The following ZIM2 variants were observed in gnomAD, a reference collection of about 807,000 sequenced individuals.
The protein encoded by ZIM2 is zinc finger protein 656.
ZIM2 carries 14 observed loss-of-function variants against 38.6 expected under a neutral mutation model. The ratio of observed to expected loss-of-function variants is 0.36; its 90% CI spans 0.24 to 0.57. The LOEUF is 0.57. Ranked by LOEUF, ZIM2 falls within the 20% of genes least tolerant of loss-of-function variation. The probability of loss-of-function intolerance (pLI) is 0.81; values close to 1 mark genes in which losing one functional copy is unlikely to be tolerated. For missense variants in ZIM2, 680 were observed against 695.1 expected, an observed-to-expected ratio of 0.98 and a Z score of 0.24; for synonymous variants, 247 against 245.8, an observed-to-expected ratio of 1.00 and a Z score of -0.04.
At position 56,801,188 on chromosome 19, in the gene ZIM2, G is replaced by A. The variant is rs1203211661; in HGVS notation, c.491-11237C>T. Among the ~76,000 whole-genome samples, 10 of 151,982 alleles carry A rather than the reference G, an allele frequency of 6.6e-5. No homozygotes were observed. In the South Asian group the frequency reaches 8.3e-4, roughly 13 times the overall value. On this transcript the variant is annotated intron_variant, in intron 9 of 12. Transcript: ENST00000629319. ...CCTGACCTCGTGATCCACCTGCCTC[G>A]CCCTCCCAAAGTGCTGGGATTACAG... is the stretch of plus-strand genomic sequence containing the variant.
intron 9 of ZIM2, chr19:56,816,633 CTCACGTTCACGT>C (rs748431268): frequency 2.1e-5 from 34 of 1,613,650 alleles, no homozygotes; most frequent in Non-Finnish European, 2.9e-5. Flanking sequence ...TTTCCCCGCG[CTCACGTTCACGT>C]TCACGTTCAT....
At chr19:56,812,244 C>G in intron 9 of ZIM2, 2 of 976,702 alleles carry the variant, frequency 2.0e-6, no homozygotes, top group Non-Finnish European at 2.4e-6. Flanking sequence ...GAATAGGACA[C>G]AAGAAACCTC....
chr19:56,779,166 G>A (rs929722031), intron 12 of ZIM2, among the ~76,000 whole-genome samples: 1 of 152,100 alleles, frequency 6.6e-6, no homozygotes, highest in African/African-American at 2.4e-5. Flanking sequence ...TGGAACACGA[G>A]GGTGAAAGGA....
intron 1 of ZIM2, among the ~76,000 whole-genome samples, chr19:56,840,191 T>C (rs1334521318): frequency 1.3e-5 from 2 of 152,198 alleles, no homozygotes; most frequent in Non-Finnish European, 2.9e-5. Flanking sequence ...TCGACCTTGC[T>C]GGACTTGCCG....
chr19:56,808,753 A>G (rs1378078408), intron 9 of ZIM2, among the ~76,000 whole-genome samples: 2 of 63,634 alleles, frequency 3.1e-5, no homozygotes, highest in African/African-American at 5.7e-5. Context: ...TGGATTAACC[A>G]TGTAAAAGAA....
chr19:56,808,353 T>C (rs2146035533), intron 9 of ZIM2, among the ~76,000 whole-genome samples: 1 of 152,262 alleles, frequency 6.6e-6, no homozygotes, highest in Middle Eastern at 3.4e-3. Flanking sequence ...CCCCAGATTT[T>C]TTCTGTACTC....
intron 9 of ZIM2, chr19:56,811,524 TTAC>T: frequency 1.0e-6 from 1 of 985,304 alleles, no homozygotes; most frequent in Non-Finnish European, 1.2e-6. Flanking sequence ...TTACCATTTG[TTAC>T]TACCTTTTCA....
At chr19:56,816,690 G>A (rs1323712741) in intron 9 of ZIM2, 6 of 1,613,944 alleles carry the variant, frequency 3.7e-6, no homozygotes, top group Non-Finnish European at 5.1e-6. Context: ...CCCCAAAGTG[G>A]ATTTTCTGGT....
At chr19:56,791,077 G>A (rs1334787238) in intron 9 of ZIM2, 2 of 151,940 alleles carry the variant, frequency 1.3e-5, no homozygotes, top group Non-Finnish European at 2.9e-5. Flanking sequence ...CCTTCTCACT[G>A]AACTCTAGCT....
intron 1 of ZIM2, among the ~76,000 whole-genome samples, chr19:56,840,227 T>C (rs2062847893): frequency 6.6e-6 from 1 of 152,174 alleles, no homozygotes; most frequent in Admixed American, 6.5e-5. Flanking sequence ...CTGTCTGCCC[T>C]AATGCCCCCG....
chr19:56,791,794 C>G (rs73935920), intron 9 of ZIM2, among the ~76,000 whole-genome samples: 220 of 152,278 alleles, frequency 1.4e-3, no homozygotes, highest in African/African-American at 4.8e-3. Flanking sequence ...TTTCTTCTCT[C>G]ATTCTTGAAA....
chr19:56,824,673 T>C (rs1453054566), intron 3 of ZIM2: 2 of 1,583,760 alleles, frequency 1.3e-6, no homozygotes, highest in African/African-American at 2.7e-5. Context: ...AGTAAAATTT[T>C]CACTGGAGGA....
At chr19:56,781,804 T>A in intron 11 of ZIM2, 149 bp downstream of exon 11, 1 of 967,432 alleles carries the variant, frequency 1.0e-6, no homozygotes. Context: ...AACAGTGAAT[T>A]TGATATTCAA....
chr19:56,792,258 T>C (rs1487487826), intron 9 of ZIM2, among the ~76,000 whole-genome samples: 2 of 151,946 alleles, frequency 1.3e-5, no homozygotes, highest in African/African-American at 2.4e-5. Flanking sequence ...GAATCTGCGG[T>C]GGCTCTTGTC....
At position 56,835,216 on chromosome 19, in the gene ZIM2, A is replaced by T. The variant is rs114091917; in HGVS notation, c.-227+802T>A. Among the ~76,000 whole-genome samples, 1,308 of 152,190 alleles carry T rather than the reference A, an allele frequency of 8.6e-3. 17 individuals carry two copies. The highest frequency in any genetic ancestry group is 0.029 in the African/African-American group (1,201 of 41,516). Reference sequence around the variant, plus strand: ...CCCTGAAACCAGATGATCTTTTTAAAACCACAAATCTGATTATCATGATAC... The same window carrying T: ...CCCTGAAACCAGATGATCTTTTTAATACCACAAATCTGATTATCATGATAC... On this transcript the variant is annotated intron_variant, in intron 2 of 12. Coordinates refer to ENST00000629319, the MANE Select transcript of ZIM2 (RefSeq NM_001387356.1).
chr19:56,823,527 G>A, intron 5 of ZIM2, 63 bp downstream of exon 5: 3 of 1,601,446 alleles, frequency 1.9e-6, no homozygotes, highest in Non-Finnish European at 2.6e-6. Context: ...AACCCACTGT[G>A]TCTCCATCTG....
intron 9 of ZIM2, chr19:56,798,778 C>T (rs572466438): frequency 2.0e-5 from 3 of 151,958 alleles, no homozygotes; most frequent in East Asian, 1.9e-4. Flanking sequence ...AAAAAAACAA[C>T]GCCATTAAAA....
intron 10 of ZIM2, 176 bp from the exon 11 acceptor site, chr19:56,782,297 T>C (rs1003556760): frequency 2.4e-6 from 2 of 831,204 alleles, no homozygotes; most frequent in African/African-American, 3.4e-5. Context: ...ACAGTTCCTA[T>C]TGCTAATTAC....
At position 56,778,300 on chromosome 19, in the gene ZIM2, A is replaced by G. The variant is rs780266608; in HGVS notation, c.835+1077T>C. 4.7e-4 allele frequency among the ~76,000 whole-genome samples: 71 copies of G among 152,238 alleles called. 1 individual carries two copies. Among genetic ancestry groups the G allele is most frequent in the Non-Finnish European group, 1.8e-4 (12 of 68,050 alleles). On this transcript the variant is annotated intron_variant, in intron 12 of 12. Transcript: ENST00000629319. ...GACTGAATAATGAAGAAACCAGAGT[A>G]GGGAAAGAAAAGAAGACAATGAAAG...
Sources: allele counts gnomAD v4.1 joint callset (sites outside exome capture counted in the v4.1 genomes callset), GRCh38; gene constraint gnomAD v4.1.1; transcripts MANE v1.5; gene names NCBI Gene and HGNC (gene_info 2026-07-23, HGNC 2026-07-21).